Variants in LARP1B observed in about 807,000 individuals in gnomAD.
LARP1B encodes the protein la-related protein 1B.
A neutral mutation model predicts 114.2 loss-of-function variants in LARP1B; 76 were observed. The observed-to-expected ratio is 0.67, with a 90% CI of 0.55 to 0.81. The LOEUF (loss-of-function observed/expected upper bound fraction) is 0.81, where lower values mean the gene tolerates loss of function less well. Ranked by LOEUF, LARP1B falls within the 30% of genes least tolerant of loss-of-function variation. The pLI, the probability that LARP1B is intolerant of heterozygous loss-of-function variation, is 0.00. For missense variants in LARP1B, 1,014 were observed against 1,075.8 expected (o/e 0.94, Z 0.80); for synonymous variants, 345 against 348.0 (o/e 0.99, Z 0.10).
chr4:128,130,362 G>GA (rs1174536706), intron 11 of LARP1B, among the ~76,000 whole-genome samples: 7 of 151,828 alleles, frequency 4.6e-5, no homozygotes, highest in Non-Finnish European at 7.4e-5. Context: ...GTTTATTGAA[G>GA]AAAAAAAGAA....
chr4:128,130,469 G>A (rs1173708792), intron 11 of LARP1B, among the ~76,000 whole-genome samples: 1 of 152,198 alleles, frequency 6.6e-6, no homozygotes, highest in South Asian at 2.1e-4. Flanking sequence ...TTAGGGAGCT[G>A]CAAGTAAAAA....
At chr4:128,074,159 C>T (rs1766880647) in intron 1 of LARP1B, among the ~76,000 whole-genome samples, 2 of 151,608 alleles carry the variant, frequency 1.3e-5, no homozygotes, top group Admixed American at 6.6e-5. Context: ...AGGCCGGTCT[C>T]GAACTCCTGA....
intron 5 of LARP1B, among the ~76,000 whole-genome samples, chr4:128,083,926 G>A (rs1772086061): frequency 6.6e-6 from 1 of 151,182 alleles, no homozygotes; most frequent in African/African-American, 2.4e-5. Context: ...CCGGGTGGAG[G>A]GGCTCCTCAC....
At chr4:128,065,704 G>A (rs1762536101) in intron 1 of LARP1B, among the ~76,000 whole-genome samples, 1 of 152,012 alleles carries the variant, frequency 6.6e-6, no homozygotes, top group South Asian at 2.1e-4. Context: ...TGAATAACAT[G>A]GATAGACTCA....
intron 1 of LARP1B, among the ~76,000 whole-genome samples, chr4:128,067,323 T>G (rs185228868): frequency 6.6e-6 from 1 of 152,202 alleles, no homozygotes; most frequent in Admixed American, 6.6e-5. Flanking sequence ...TCTATCCTGC[T>G]CAAACTTGGA....
intron 16 of LARP1B, among the ~76,000 whole-genome samples, chr4:128,200,158 C>CA (rs1373006644): frequency 6.6e-6 from 1 of 152,132 alleles, no homozygotes; most frequent in South Asian, 2.1e-4. Context: ...AGCAGTGAGT[C>CA]AAAAAATGGG....
intron 11 of LARP1B, among the ~76,000 whole-genome samples, chr4:128,130,987 T>A (rs1330593089): frequency 6.6e-6 from 1 of 152,168 alleles, no homozygotes; most frequent in African/African-American, 2.4e-5. Flanking sequence ...GGCAAAACTA[T>A]AGTAACAGTA....
intron 17 of LARP1B, among the ~76,000 whole-genome samples, chr4:128,205,219 A>G (rs999264078): frequency 1.6e-4 from 24 of 152,236 alleles, no homozygotes; most frequent in African/African-American, 4.8e-4. Flanking sequence ...CAAAAGAGAC[A>G]CACAATCACA....
chr4:128,071,037 A>G (rs1377575672), intron 1 of LARP1B, among the ~76,000 whole-genome samples: 1 of 151,424 alleles, frequency 6.6e-6, no homozygotes, highest in African/African-American at 2.4e-5. Context: ...TTATTTTTTA[A>G]TGTTTTTATT....
intron 11 of LARP1B, chr4:128,155,279 G>A: frequency 2.4e-6 from 1 of 410,794 alleles, no homozygotes. Flanking sequence ...TAAAAAATCT[G>A]TGTGAAGGCA....
intron 1 of LARP1B, among the ~76,000 whole-genome samples, chr4:128,067,282 A>T (rs1763366797): frequency 1.3e-5 from 2 of 152,288 alleles, no homozygotes; most frequent in Admixed American, 1.3e-4. Context: ...TGAGAGAGAG[A>T]ATTGTATTGA....
chr4:128,176,739 G>T, intron 12 of LARP1B, 133 bp from the exon 13 acceptor site: 1 of 757,358 alleles, frequency 1.3e-6, no homozygotes, highest in Non-Finnish European at 2.2e-6. Context: ...TTGCTTTCTG[G>T]GAAGCAATGA....
chr4:128,202,690 A>C (rs762278037), intron 17 of LARP1B, among the ~76,000 whole-genome samples: 1 of 152,174 alleles, frequency 6.6e-6, no homozygotes, highest in Admixed American at 6.5e-5. Flanking sequence ...TCCTATACAC[A>C]TACCTCTGTG....
intron 15 of LARP1B, among the ~76,000 whole-genome samples, chr4:128,190,632 A>G (rs1396571468): frequency 1.3e-5 from 2 of 152,076 alleles, no homozygotes; most frequent in Non-Finnish European, 2.9e-5. Flanking sequence ...TCTCCTTCAC[A>G]CATACTCTCT....
intron 12 of LARP1B, among the ~76,000 whole-genome samples, chr4:128,170,981 A>G (rs1320492970): frequency 1.4e-5 from 2 of 146,942 alleles, no homozygotes; most frequent in Admixed American, 1.4e-4. Context: ...GGACATATAT[A>G]TCTTTTTTTG....
chr4:128,090,940 G>A, intron 5 of LARP1B, 61 bp from the exon 6 acceptor site: 1 of 1,296,118 alleles, frequency 7.7e-7, no homozygotes, highest in Non-Finnish European at 1.1e-6. Context: ...TTTTCATAAA[G>A]ACAATCATGT....
At chr4:128,079,158 A>G (rs1188333882) in intron 4 of LARP1B, among the ~76,000 whole-genome samples, 1 of 147,914 alleles carries the variant, frequency 6.8e-6, no homozygotes, top group Non-Finnish European at 1.5e-5. Flanking sequence ...GCAGTGGCCC[A>G]GTCTTGACTC....
In LARP1B at chr4:128,209,944, C is replaced by G. The variant is rs763723364; in HGVS notation, c.2636C>G (p.Ser879Cys). 4 of 1,613,786 alleles carry G rather than the reference C, an allele frequency of 2.5e-6. No individual in the cohort carries two copies. The highest frequency in any genetic ancestry group is 2.5e-6 in the Non-Finnish European group (3 of 1,179,850). ...SNRHRLPPNS[S>C]TKPPNAAKPT... is the part of the protein sequence containing the mutation. ...CGTCATAGACTTCCACCTAATTCCT[C>G]TACAAAGCCACCAAATGCTGCTAAA... The change falls in exon 20 of 20, where the codon TCT (serine) becomes TGT (cysteine). Residue 879 changes from serine (S) to cysteine (C), a missense_variant. By Grantham distance (112) the Ser-to-Cys change is moderately radical (BLOSUM62 -1). Coordinates refer to ENST00000326639, the MANE Select transcript of LARP1B (RefSeq NM_018078.4).
At chr4:128,194,550 G>A (rs565213853) in intron 15 of LARP1B, among the ~76,000 whole-genome samples, 1 of 151,852 alleles carries the variant, frequency 6.6e-6, no homozygotes, top group East Asian at 2.0e-4. Flanking sequence ...GGGCATGGTG[G>A]CGGGCGCCTG....
Sources: allele counts gnomAD v4.1 joint callset (sites outside exome capture counted in the v4.1 genomes callset), GRCh38; gene constraint gnomAD v4.1.1; transcripts MANE v1.5; gene names NCBI Gene and HGNC (gene_info 2026-07-23, HGNC 2026-07-21).